Variants in UBE2W observed in about 807,000 individuals in gnomAD.
The protein encoded by UBE2W is ubiquitin conjugating enzyme E2 W, also known as ubiquitin-conjugating enzyme E2 W.
In UBE2W, 18 loss-of-function variants were observed where a neutral mutation model predicts 27.2. The ratio of observed to expected loss-of-function variants is 0.66; its 90% CI spans 0.46 to 0.98. The LOEUF is 0.98. Among genes scored for constraint, UBE2W ranks in the 50% least tolerant of loss-of-function variants. The pLI is 0.00. For missense variants in UBE2W, 90 were observed against 180.2 expected, an observed-to-expected ratio of 0.50 and a Z score of 2.87; for synonymous variants, 53 against 57.2, an observed-to-expected ratio of 0.93 and a Z score of 0.33.
intron 1 of UBE2W, among the ~76,000 whole-genome samples, chr8:73,847,326 A>G (rs1810853757): frequency 6.6e-6 from 1 of 152,230 alleles, no homozygotes; most frequent in Non-Finnish European, 1.5e-5. Flanking sequence ...AATGGTTAAC[A>G]CTCAACAAAC....
intron 3 of UBE2W, among the ~76,000 whole-genome samples, chr8:73,818,603 G>A (rs939182852): frequency 9.2e-5 from 14 of 152,168 alleles, no homozygotes; most frequent in African/African-American, 3.4e-4. Flanking sequence ...AATACAGTTT[G>A]GATGTTTGTC....
In UBE2W at chr8:73,822,799, A is replaced by G. The variant is rs148598478; in HGVS notation, c.210+2348T>C. On this transcript the variant is annotated intron_variant, in intron 3 of 5. Transcript: ENST00000602593. ...ACGCTGTCTCAAAAAAAACAAAACA[A>G]AAACAAACAAACAAAAAACCAGACT... Among the ~76,000 whole-genome samples the G allele has an allele frequency of 2.6e-3, 400 of 152,064 alleles. 1 individual carries two copies. The highest frequency in any genetic ancestry group is 9.4e-3 in the African/African-American group (388 of 41,496).
At chr8:73,825,442 C>T (rs751620866) in intron 2 of UBE2W, among the ~76,000 whole-genome samples, 193 bp from the exon 3 acceptor site, 10 of 152,114 alleles carry the variant, frequency 6.6e-5, no homozygotes, top group African/African-American at 9.7e-5. Context: ...TGACACTCAG[C>T]GGTGAAATAA....
rs893441770 is a variant in UBE2W, at chr8:73,788,688, T to A, written c.*5414A>T. The A allele has an allele frequency of 3.0e-6, 3 of 985,458 alleles. No individual in the cohort carries two copies. The highest frequency in any genetic ancestry group is 3.6e-6 in the Non-Finnish European group (3 of 829,934). The allele number at this position is 985,458 out of a possible 1,614,324, so 61.0% of individuals were successfully genotyped here. On this transcript the variant is annotated 3_prime_UTR_variant, in exon 6 of 6. Transcript: ENST00000602593. ...AGAAAATCTGACAAGTGATGTCATT[T>A]TGAAATCATGCTTTTGCCTTTGAGA... is the stretch of plus-strand genomic sequence containing the variant.
intron 1 of UBE2W, among the ~76,000 whole-genome samples, chr8:73,835,465 G>A (rs531589492): frequency 9.6e-4 from 146 of 152,260 alleles, no homozygotes; most frequent in Middle Eastern, 3.4e-3. Flanking sequence ...TTCTGTGGCC[G>A]GGTGCGATGG....
At chr8:73,800,540 C>T (rs1484845340) in intron 5 of UBE2W, among the ~76,000 whole-genome samples, 1 of 152,022 alleles carries the variant, frequency 6.6e-6, no homozygotes, top group African/African-American at 2.4e-5. Context: ...TTAAAAATAG[C>T]TCATTTGCAT....
At chr8:73,795,858 G>C (rs899494446) in intron 5 of UBE2W, 2 of 784,366 alleles carry the variant, frequency 2.5e-6, no homozygotes, top group African/African-American at 3.8e-5. Flanking sequence ...GAGGTGGATG[G>C]ACTGCTTGGG....
At chr8:73,813,033 A>C (rs1809222873) in intron 3 of UBE2W, among the ~76,000 whole-genome samples, 1 of 130,352 alleles carries the variant, frequency 7.7e-6, no homozygotes, top group Admixed American at 9.5e-5. Flanking sequence ...TATTTTTCCC[A>C]GTAAGGTCTC....
intron 1 of UBE2W, among the ~76,000 whole-genome samples, chr8:73,861,893 G>A (rs1387093317): frequency 2.0e-5 from 3 of 152,166 alleles, no homozygotes; most frequent in African/African-American, 7.2e-5. Context: ...TAAGTGCTCA[G>A]ATATGTACAG....
intron 1 of UBE2W, among the ~76,000 whole-genome samples, chr8:73,841,585 G>A (rs190012138): frequency 6.6e-6 from 1 of 152,302 alleles, no homozygotes; most frequent in East Asian, 1.9e-4. Context: ...CAAAAGAAGA[G>A]TGGTAAGAGG....
At chr8:73,865,004 C>T (rs569777997) in intron 1 of UBE2W, among the ~76,000 whole-genome samples, 84 of 151,912 alleles carry the variant, frequency 5.5e-4, no homozygotes, top group African/African-American at 1.9e-3. Context: ...ACAGCCTTCA[C>T]GTATACAAAG....
Position 73,786,265 on chromosome 8 carries a change from C to T in UBE2W, c.*7837G>A. 1 of 985,376 alleles carries T rather than the reference C, an allele frequency of 1.0e-6. No homozygotes were observed. Among genetic ancestry groups the T allele is most frequent in the Middle Eastern group, 5.2e-4 (1 of 1,914 alleles). The allele number at this position is 985,376 out of a possible 1,614,324, so 61.0% of individuals were successfully genotyped here. On this transcript the variant is annotated 3_prime_UTR_variant, in exon 6 of 6. Transcript: ENST00000602593. ...TTTAAAAGTAGTTTTCTCAAACTCT[C>T]TGGGATAGAAAGAGCAGGGTCCTGT...
At chr8:73,864,386 A>AT (rs919311974) in intron 1 of UBE2W, among the ~76,000 whole-genome samples, 5 of 152,070 alleles carry the variant, frequency 3.3e-5, no homozygotes, top group African/African-American at 1.2e-4. Flanking sequence ...CTCTAAAAAA[A>AT]TTTTTTTTAA....
At chr8:73,856,305 T>C (rs1452602864) in intron 1 of UBE2W, among the ~76,000 whole-genome samples, 1 of 152,006 alleles carries the variant, frequency 6.6e-6, no homozygotes, top group East Asian at 1.9e-4. Context: ...CCCTCCCCAC[T>C]TTCTACCTTT....
chr8:73,835,923 AATTCAAATCAAGCTTTCAGATGACTACT>A (rs1232287270), intron 1 of UBE2W, among the ~76,000 whole-genome samples: 1 of 152,180 alleles, frequency 6.6e-6, no homozygotes, highest in African/African-American at 2.4e-5. Flanking sequence ...CAAATCCTTC[AATTCAAATCAAGCTTTCAGATGACTACT>A]ATCTTAGCCA....
rs552709074 is a variant in UBE2W at position 73,827,377 on chromosome 8, C to T, written c.108-2128G>A. Among the ~76,000 whole-genome samples, 26 of 152,090 alleles carry T rather than the reference C, an allele frequency of 1.7e-4. No homozygotes were observed. The South Asian group carries it at 5.4e-3, about 32-fold the overall frequency. On this transcript the variant is annotated intron_variant, in intron 2 of 5. Coordinates refer to ENST00000602593, the MANE Select transcript of UBE2W (RefSeq NM_018299.6). ...TACAGGCATGAGCCACCACACCCGG[C>T]TAATTTTTTGTATTTTTGTAGAGAG... is the stretch of plus-strand genomic sequence containing the variant.
intron 3 of UBE2W, among the ~76,000 whole-genome samples, chr8:73,810,917 T>G (rs1454485740): frequency 6.6e-6 from 1 of 152,188 alleles, no homozygotes; most frequent in Admixed American, 6.5e-5. Context: ...TTTTTACTAG[T>G]GAAAGACAAC....
At chr8:73,803,031 A>C (rs1265898933) in intron 5 of UBE2W, among the ~76,000 whole-genome samples, 1 of 151,678 alleles carries the variant, frequency 6.6e-6, no homozygotes, top group Non-Finnish European at 1.5e-5. Context: ...CAAAATAAAT[A>C]AATAAATAAA....
At chr8:73,830,513 T>A in intron 1 of UBE2W, 41 bp from the exon 2 acceptor site, 3 of 1,531,696 alleles carry the variant, frequency 2.0e-6, no homozygotes, top group Non-Finnish European at 2.7e-6. Context: ...TTTTTGAGAC[T>A]AGGTCTGGGT....
Sources: allele counts gnomAD v4.1 joint callset (sites outside exome capture counted in the v4.1 genomes callset), GRCh38; gene constraint gnomAD v4.1.1; transcripts MANE v1.5; gene names NCBI Gene and HGNC (gene_info 2026-07-23, HGNC 2026-07-21).